FOCAD: variants seen among roughly 807,000 people sequenced by gnomAD.
The protein encoded by FOCAD is focadhesin.
A neutral mutation model predicts 225.6 loss-of-function variants in FOCAD; 198 were observed. The ratio of observed to expected loss-of-function variants is 0.88; its 90% CI spans 0.78 to 0.99. The LOEUF (loss-of-function observed/expected upper bound fraction) is 0.99. FOCAD is among the 50% of genes least tolerant of loss of function. FOCAD has a pLI of 0.00. For missense variants in FOCAD, 2,713 were observed against 2,123.6 expected (o/e 1.28, Z -5.46); for synonymous variants, 897 against 755.0 (o/e 1.19, Z -3.08).
At chr9:20,874,613 A>T in intron 18 of FOCAD, 68 bp from the exon 19 acceptor site, 1 of 1,535,322 alleles carries the variant, frequency 6.5e-7, no homozygotes, top group African/African-American at 1.4e-5. Context: ...ACAAAAAAGG[A>T]TACAGAAAAG....
intron 28 of FOCAD, among the ~76,000 whole-genome samples, chr9:20,941,743 T>C (rs1836676731): frequency 6.6e-6 from 1 of 152,230 alleles, no homozygotes; most frequent in Non-Finnish European, 1.5e-5. Context: ...CAAAGTTCAG[T>C]TTCATACCCA....
chr9:20,740,360 T>TG lies in FOCAD; in HGVS notation c.392+20_392+21insG. 7.4e-7 allele frequency: 1 copy of TG among 1,348,774 alleles called. No homozygotes were observed. The highest frequency in any genetic ancestry group is 2.1e-5 in the Admixed American group (1 of 46,518). 83.6% of individuals were successfully genotyped at this position (1,348,774 alleles called of 1,614,324 possible). A position where few individuals can be genotyped will look rare whatever the true frequency, so the allele number is the denominator to read the frequency against. On this transcript the variant is annotated intron_variant, in intron 5 of 43. Coordinates refer to ENST00000338382, the MANE Select transcript of FOCAD (RefSeq NM_001375567.1). ...CATTAGGTAAGCCTTTTTTCTGTTT[T>TG]TTTTTTAAACAAATATGAATTTTTA...
chr9:20,961,675 C>T (rs1359654357), intron 35 of FOCAD, among the ~76,000 whole-genome samples: 1 of 152,114 alleles, frequency 6.6e-6, no homozygotes, highest in Non-Finnish European at 1.5e-5. Flanking sequence ...TTGTAACTCC[C>T]TTCTCTGACA....
At chr9:20,814,208 G>GACTT (rs1368963775) in intron 11 of FOCAD, among the ~76,000 whole-genome samples, 1 of 151,980 alleles carries the variant, frequency 6.6e-6, no homozygotes. Context: ...GGTAGGAAAG[G>GACTT]ACTTACTATT....
intron 35 of FOCAD, 95 bp downstream of exon 35, chr9:20,953,160 A>G (rs561146617): frequency 4.1e-6 from 4 of 984,668 alleles, no homozygotes; most frequent in South Asian, 1.5e-5. Flanking sequence ...GAATCAAGCA[A>G]TATAAATCTG....
At chr9:20,953,466 T>C (rs919853317) in intron 35 of FOCAD, among the ~76,000 whole-genome samples, 1 of 152,222 alleles carries the variant, frequency 6.6e-6, no homozygotes, top group Non-Finnish European at 1.5e-5. Context: ...GCATCTTTTA[T>C]AATCATTCTG....
At chr9:20,814,749 C>T (rs532556708) in intron 11 of FOCAD, among the ~76,000 whole-genome samples, 1 of 152,092 alleles carries the variant, frequency 6.6e-6, no homozygotes, top group Non-Finnish European at 1.5e-5. Context: ...AAGCTGATAA[C>T]AAGTTACATA....
intron 18 of FOCAD, among the ~76,000 whole-genome samples, chr9:20,868,981 A>G (rs1347085564): frequency 6.6e-6 from 1 of 152,202 alleles, no homozygotes; most frequent in African/African-American, 2.4e-5. Flanking sequence ...CTAAAAGTCC[A>G]GAAAGTGTTC....
chr9:20,988,529 T>G, intron 41 of FOCAD, 100 bp downstream of exon 41: 1 of 320,540 alleles, frequency 3.1e-6, no homozygotes, highest in Non-Finnish European at 5.9e-6. Context: ...TGGCAAAAAC[T>G]GCAATTACTT....
At chr9:20,687,536 G>A (rs1040527209) in intron 1 of FOCAD, among the ~76,000 whole-genome samples, 1 of 152,076 alleles carries the variant, frequency 6.6e-6, no homozygotes, top group African/African-American at 2.4e-5. Context: ...CCCAATCATT[G>A]CACATGTTGG....
Position 20,770,152 on chromosome 9 carries a change from T to G in FOCAD, c.820T>G (p.Cys274Gly), listed in dbSNP as rs1335633558. The change falls in exon 8 of 44, where the codon TGT (cysteine) becomes GGT (glycine). Residue 274 changes from cysteine (C) to glycine (G), a missense_variant. Physicochemically the swap from Cys to Gly is radical, Grantham distance 159. Coordinates refer to ENST00000338382, the MANE Select transcript of FOCAD (RefSeq NM_001375567.1). ...TACCCAGATGAGTCTTCAGCTGCTG[T>G]GTGTCAGTGAAGTCAGCTTAAAGAT... ...QLTQMSLQLLCVSEVSLKITG... is the reference protein window; with the variant it reads ...QLTQMSLQLLGVSEVSLKITG... 1 of 1,613,976 alleles carries G rather than the reference T, an allele frequency of 6.2e-7. No individual in the cohort carries two copies. Among genetic ancestry groups the G allele is most frequent in the Non-Finnish European group, 8.5e-7 (1 of 1,179,996 alleles).
chr9:20,898,058 C>A (rs1000594523), intron 21 of FOCAD, among the ~76,000 whole-genome samples: 10 of 151,800 alleles, frequency 6.6e-5, no homozygotes, highest in African/African-American at 1.7e-4. Flanking sequence ...ATTTCACTCT[C>A]TTCTCTTCTT....
chr9:20,694,212 G>A (rs1427092176), intron 1 of FOCAD, among the ~76,000 whole-genome samples: 1 of 152,192 alleles, frequency 6.6e-6, no homozygotes, highest in Non-Finnish European at 1.5e-5. Flanking sequence ...GAAAGGAATA[G>A]TCTAGGGCAG....
chr9:20,901,558 G>A (rs1832567764), intron 21 of FOCAD, among the ~76,000 whole-genome samples: 1 of 151,790 alleles, frequency 6.6e-6, no homozygotes, highest in Non-Finnish European at 1.5e-5. Flanking sequence ...TCAAGAGGTG[G>A]AATGCAATAA....
chr9:20,752,998 T>A (rs1334949901), intron 5 of FOCAD, among the ~76,000 whole-genome samples: 1 of 151,418 alleles, frequency 6.6e-6, no homozygotes, highest in African/African-American at 2.4e-5. Context: ...GTGATTTTTG[T>A]ACATTGATTT....
Position 20,826,920 on chromosome 9 carries a change from G to C in FOCAD, c.1920+3805G>C, listed in dbSNP as rs756842080. On this transcript the variant is annotated intron_variant, in intron 15 of 43. Transcript: ENST00000338382. ...CTCTTTTTCATATCTTTTCCATTGA[G>C]CTTTCTCATCACTTTTTATCCCAGC... Among the ~76,000 whole-genome samples the C allele has an allele frequency of 4.9e-4, 75 of 151,974 alleles. 1 individual carries two copies. The highest frequency in any genetic ancestry group is 9.9e-4 in the Non-Finnish European group (67 of 67,966).
intron 2 of FOCAD, among the ~76,000 whole-genome samples, chr9:20,671,585 C>T (rs1331800638): frequency 6.6e-6 from 1 of 150,448 alleles, no homozygotes; most frequent in African/African-American, 2.5e-5. Flanking sequence ...CATTCTCTCA[C>T]AAGATAGATT....
intron 4 of FOCAD, among the ~76,000 whole-genome samples, chr9:20,725,977 GA>G (rs1290776939): frequency 3.3e-5 from 5 of 151,350 alleles, no homozygotes; most frequent in Admixed American, 3.3e-4. Context: ...AAGGAAATTT[GA>G]AAAAAAATTA....
intron 10 of FOCAD, among the ~76,000 whole-genome samples, chr9:20,783,664 A>T (rs34192626): frequency 0.31 from 46,799 of 151,110 alleles, 7,633 homozygotes; most frequent in East Asian, 0.5. Context: ...ATTAAATGTG[A>T]TATTTAAAAC....
Sources: gnomAD v4.1 joint callset for allele counts (sites outside exome capture counted in the v4.1 genomes callset) on GRCh38, gnomAD v4.1.1 for gene constraint, MANE v1.5 for transcripts, NCBI Gene and HGNC (gene_info 2026-07-23, HGNC 2026-07-21) for gene names.